Variants in ARFGAP3 observed in about 807,000 individuals in gnomAD.
ARFGAP3 encodes ADP-ribosylation factor GTPase-activating protein 3.
Under a neutral mutation model 75.0 loss-of-function variants are expected in ARFGAP3, and 72 were observed. The ratio of observed to expected loss-of-function variants is 0.96; its 90% CI spans 0.79 to 1.17. ARFGAP3 has a LOEUF of 1.17. Among genes scored for constraint, ARFGAP3 ranks in the 50% most tolerant of loss-of-function variants. The probability of loss-of-function intolerance (pLI) is 0.00; values close to 1 mark genes in which losing one functional copy is unlikely to be tolerated. For synonymous variants in ARFGAP3, 221 were observed against 217.9 expected, an observed-to-expected ratio of 1.01 and a Z score of -0.13; for missense variants, 620 against 626.6, an observed-to-expected ratio of 0.99 and a Z score of 0.11.
intron 9 of ARFGAP3, among the ~76,000 whole-genome samples, chr22:42,820,855 G>C (rs1925782452): frequency 6.6e-6 from 1 of 152,030 alleles, no homozygotes; most frequent in South Asian, 2.1e-4. Context: ...ACGGAAAACC[G>C]ATCTCTTCAC....
At chr22:42,798,749 C>T (rs1423618116) in intron 15 of ARFGAP3, among the ~76,000 whole-genome samples, 2 of 152,168 alleles carry the variant, frequency 1.3e-5, no homozygotes, top group Non-Finnish European at 2.9e-5. Flanking sequence ...TGTGGCATTA[C>T]AGATAATTTC....
rs553989594 is a variant in ARFGAP3, at chr22:42,850,116, C to T, written c.70-2484G>A. ...GAGCATAAAAGTACTTTAAAATACA[C>T]AGTGCTAACTAGCAGAGTCACGCGT... On this transcript the variant is annotated intron_variant, in intron 1 of 15. Coordinates refer to ENST00000263245, the MANE Select transcript of ARFGAP3 (RefSeq NM_014570.5). 5.3e-5 allele frequency among the ~76,000 whole-genome samples: 8 copies of T among 152,254 alleles called. No individual in the cohort carries two copies. The East Asian group carries it at 1.5e-3, about 29-fold the overall frequency.
At chr22:42,838,292 T>TATATATA (rs1569164168) in intron 3 of ARFGAP3, among the ~76,000 whole-genome samples, 33 of 93,224 alleles carry the variant, frequency 3.5e-4, no homozygotes, top group African/African-American at 1.0e-3. Context: ...ATATATATAT[T>TATATATA]TTTTTTTTCT....
intron 2 of ARFGAP3, among the ~76,000 whole-genome samples, chr22:42,845,559 A>AC (rs1926979160): frequency 1.3e-5 from 2 of 151,318 alleles, no homozygotes; most frequent in African/African-American, 4.9e-5. Context: ...AACAACAACA[A>AC]AAAAAAACCC....
intron 2 of ARFGAP3, among the ~76,000 whole-genome samples, chr22:42,841,445 G>C (rs1243037685): frequency 6.6e-6 from 1 of 152,166 alleles, no homozygotes; most frequent in African/African-American, 2.4e-5. Flanking sequence ...AGGTAGAAGA[G>C]ACCTACCCAA....
intron 14 of ARFGAP3, among the ~76,000 whole-genome samples, chr22:42,802,765 C>T (rs1924934829): frequency 1.4e-5 from 2 of 146,864 alleles, no homozygotes; most frequent in African/African-American, 5.1e-5. Flanking sequence ...CCATGCCTGG[C>T]TAATTTTTTG....
In ARFGAP3 at chr22:42,837,065, C is replaced by T. The variant is rs1298470550; in HGVS notation, c.262-1572G>A. Among the ~76,000 whole-genome samples the T allele has an allele frequency of 2.6e-5, 4 of 152,210 alleles. No individual in the cohort carries two copies. In the East Asian group the frequency reaches 5.8e-4, roughly 22 times the overall value. On this transcript the variant is annotated intron_variant, in intron 3 of 15. Coordinates refer to ENST00000263245, the MANE Select transcript of ARFGAP3 (RefSeq NM_014570.5). ...TTCTGGAGTTTGGAGGGTGACTCTG[C>T]AACCTTGGGAAGGCTTAGAAATAAG...
intron 3 of ARFGAP3, 29 bp downstream of exon 3, chr22:42,840,915 G>A: frequency 6.2e-7 from 1 of 1,609,126 alleles, no homozygotes; most frequent in Non-Finnish European, 8.5e-7. Context: ...TAAACAAGAA[G>A]GAAAATGACG....
rs529496556 is a variant in ARFGAP3 at position 42,838,455 on chromosome 22, G to A, written c.261+2489C>T. 1.4e-4 allele frequency among the ~76,000 whole-genome samples: 22 copies of A among 151,860 alleles called. 1 individual carries two copies. The South Asian group carries it at 3.1e-3, about 22-fold the overall frequency. ...TGAGGCTATAGGCAGGTTCCACTAT[G>A]CCTTGCTAATTTTTAAGTCTTTTGT... On this transcript the variant is annotated intron_variant, in intron 3 of 15. Transcript: ENST00000263245.
intron 14 of ARFGAP3, among the ~76,000 whole-genome samples, chr22:42,799,955 TGTTA>T (rs1924782576): frequency 6.6e-6 from 1 of 152,188 alleles, no homozygotes. Flanking sequence ...TTTTGTTAGT[TGTTA>T]GTTTTGTTAA....
rs1241183549 is a variant in ARFGAP3 at position 42,797,546 on chromosome 22, A to G, written c.*42T>C. 16 of 1,613,652 alleles carry G rather than the reference A, an allele frequency of 9.9e-6. No homozygotes were observed. The Admixed American group carries it at 2.7e-4, about 27-fold the overall frequency. ...CTGAGATGTGGTTACTTGTTCATTTAAAGAGGAATTTCTCCAGGAAATACA... is the reference window on the plus strand; with the variant it reads ...CTGAGATGTGGTTACTTGTTCATTTGAAGAGGAATTTCTCCAGGAAATACA... On this transcript the variant is annotated 3_prime_UTR_variant, in exon 16 of 16. Coordinates refer to ENST00000263245, the MANE Select transcript of ARFGAP3 (RefSeq NM_014570.5).
At chr22:42,837,633 A>T (rs1284097586) in intron 3 of ARFGAP3, among the ~76,000 whole-genome samples, 2 of 149,230 alleles carry the variant, frequency 1.3e-5, no homozygotes, top group Admixed American at 6.7e-5. Flanking sequence ...AAAAAAAAAA[A>T]AAAAAACCAA....
Position 42,849,118 on chromosome 22 carries a change from T to G in ARFGAP3, c.70-1486A>C, listed in dbSNP as rs191774577. 1.6e-3 allele frequency among the ~76,000 whole-genome samples: 246 copies of G among 152,152 alleles called. 2 individuals are homozygous for G. Among genetic ancestry groups the G allele is most frequent in the African/African-American group, 5.7e-3 (236 of 41,512 alleles). ...GGAGGCCTGCCAACCACCATGTGAG[T>G]AAGCTCCCAGATGACCTCAGCCCTG... On this transcript the variant is annotated intron_variant, in intron 1 of 15. Transcript: ENST00000263245.
Position 42,822,913 on chromosome 22 carries a change from G to C in ARFGAP3, c.673-504C>G, listed in dbSNP as rs561312209. Among the ~76,000 whole-genome samples the C allele has an allele frequency of 2.0e-5, 3 of 152,046 alleles. No homozygotes were observed. In the South Asian group the frequency reaches 6.2e-4, roughly 32 times the overall value. On this transcript the variant is annotated intron_variant, in intron 8 of 15. Transcript: ENST00000263245. Reference sequence around the variant, plus strand: ...CAACCTCTGCCTCCTGGGGTAAAGCGATCCTCCCACCTTAGTATCCCGAGT... The same window carrying C: ...CAACCTCTGCCTCCTGGGGTAAAGCCATCCTCCCACCTTAGTATCCCGAGT...
At chr22:42,840,546 A>C (rs1480259226) in intron 3 of ARFGAP3, among the ~76,000 whole-genome samples, 2 of 151,766 alleles carry the variant, frequency 1.3e-5, no homozygotes, top group Non-Finnish European at 2.9e-5. Context: ...CCTCCCGAGT[A>C]GCTGGGATTA....
intron 3 of ARFGAP3, among the ~76,000 whole-genome samples, chr22:42,837,620 C>CAAAA (rs574222602): frequency 1.5e-5 from 1 of 66,540 alleles, no homozygotes; most frequent in Non-Finnish European, 2.5e-5. Context: ...GACTCTATCT[C>CAAAA]AAAAAAAAAA....
chr22:42,834,394 T>C, intron 4 of ARFGAP3, 69 bp from the exon 5 acceptor site: 1 of 1,572,332 alleles, frequency 6.4e-7, no homozygotes, highest in Non-Finnish European at 8.6e-7. Context: ...TTGATACCTT[T>C]CACTTCCCTT....
At chr22:42,803,253 C>T (rs973842165) in intron 14 of ARFGAP3, among the ~76,000 whole-genome samples, 1 of 152,226 alleles carries the variant, frequency 6.6e-6, no homozygotes, top group African/African-American at 2.4e-5. Flanking sequence ...CACAGCTATA[C>T]TGTCTGACAA....
chr22:42,834,431 C>G lies in ARFGAP3; in HGVS notation c.394-106G>C. The G allele has an allele frequency of 2.0e-6, 3 of 1,505,900 alleles. No individual in the cohort carries two copies. The South Asian group carries it at 4.1e-5, about 20-fold the overall frequency. The allele number at this position is 1,505,900 out of a possible 1,614,324, so 93.3% of individuals were successfully genotyped here. ...GAGACCTGTTTCCTAAAGATTGGTG[C>G]TTTCCATTCTTATAAAATCAGTAAC... On this transcript the variant is annotated intron_variant, in intron 4 of 15. Transcript: ENST00000263245.
Sources: gnomAD v4.1 joint callset for allele counts (sites outside exome capture counted in the v4.1 genomes callset) on GRCh38, gnomAD v4.1.1 for gene constraint, MANE v1.5 for transcripts, NCBI Gene and HGNC (gene_info 2026-07-23, HGNC 2026-07-21) for gene names.